The following PRR5 variants were observed in gnomAD, a reference collection of about 807,000 sequenced individuals.
PRR5 encodes the protein proline rich 5.
Under a neutral mutation model 30.6 loss-of-function variants are expected in PRR5, and 25 were observed. The ratio of observed to expected loss-of-function variants is 0.82; its 90% CI spans 0.60 to 1.14. PRR5 has a LOEUF of 1.14. Among genes scored for constraint, PRR5 ranks in the 50% most tolerant of loss-of-function variants. PRR5 has a pLI of 0.00. For missense variants in PRR5, 600 were observed against 547.1 expected (o/e 1.10, Z -0.96); for synonymous variants, 286 against 247.1 (o/e 1.16, Z -1.48).
intron 1 of PRR5, among the ~76,000 whole-genome samples, chr22:44,709,103 A>T (rs1354861797): frequency 6.6e-6 from 1 of 151,614 alleles, no homozygotes; most frequent in African/African-American, 2.4e-5. Context: ...AGGCCAGAGG[A>T]TGTTGGCTGA....
chr22:44,726,584 T>G lies in PRR5; in HGVS notation c.272T>G (p.Leu91Arg). Residue 91 changes from leucine (L) to arginine (R), a missense_variant, in exon 4 of 8, where the codon CTG becomes CGG. Physicochemically the swap from Leu to Arg is moderately radical, Grantham distance 102. Coordinates refer to ENST00000336985, the MANE Select transcript of PRR5 (RefSeq NM_181333.4). ...CTCTGTGTTTACCTTCAGAACCAGC[T>G]GCTGACAAAAGGCATGGTGATCCTT... ...SFFTEYLQNQ[L>R]LTKGMVILRD... The G allele has an allele frequency of 1.2e-6, 2 of 1,614,094 alleles. No individual in the cohort carries two copies. Among genetic ancestry groups the G allele is most frequent in the Non-Finnish European group, 1.7e-6 (2 of 1,180,026 alleles).
At position 44,732,490 on chromosome 22, in the gene PRR5, G is replaced by A. The variant is rs1029750400; in HGVS notation, c.555+99G>A. The stretch of plus-strand genomic sequence containing the variant: ...GCATGAGATGAGGATTTAGGGGCAC[G>A]AGACTTAAGGAAGGGCCCGATCAGA... On this transcript the variant is annotated intron_variant, in intron 6 of 7. Transcript: ENST00000336985. 54 of 1,475,736 alleles carry A rather than the reference G, an allele frequency of 3.7e-5. No homozygotes were observed. The South Asian group carries it at 4.6e-4, about 13-fold the overall frequency. 91.4% of individuals were successfully genotyped at this position (1,475,736 alleles called of 1,614,324 possible).
intron 1 of PRR5, among the ~76,000 whole-genome samples, chr22:44,669,295 C>G (rs1411439385): frequency 6.6e-6 from 1 of 152,198 alleles, no homozygotes; most frequent in African/African-American, 2.4e-5. Context: ...ATGGGGGACC[C>G]TTCCTTTCTG....
intron 4 of PRR5, among the ~76,000 whole-genome samples, chr22:44,728,501 T>G (rs1921280235): frequency 2.0e-5 from 3 of 152,202 alleles, no homozygotes; most frequent in Admixed American, 2.0e-4. Context: ...ATTAATGTCA[T>G]TGTGAAGGAG....
intron 4 of PRR5, among the ~76,000 whole-genome samples, chr22:44,728,698 C>A (rs1921324012): frequency 6.6e-6 from 1 of 152,240 alleles, no homozygotes; most frequent in South Asian, 2.1e-4. Context: ...CTCCCCCTTC[C>A]TGCTCCCTAC....
chr22:44,676,983 G>C (rs2146932485), upstream of PRR5: 1 of 152,410 alleles, frequency 6.6e-6, no homozygotes, highest in South Asian at 2.1e-4. Flanking sequence ...GGGGAGCCCA[G>C]TGAGCCGCCT....
chr22:44,702,119 C>T, upstream of PRR5: 1 of 239,774 alleles, frequency 4.2e-6, no homozygotes, highest in South Asian at 1.5e-4. Context: ...GGCCCCGCCC[C>T]GCCCGCGATG....
chr22:44,684,593 A>G (rs1024694792), intron 1 of PRR5, among the ~76,000 whole-genome samples: 13 of 152,200 alleles, frequency 8.5e-5, no homozygotes, highest in Non-Finnish European at 8.8e-5. Flanking sequence ...ACTGGGGACC[A>G]GGGTCAGGAT....
At chr22:44,727,284 G>T (rs1308817531) in intron 4 of PRR5, among the ~76,000 whole-genome samples, 1 of 152,036 alleles carries the variant, frequency 6.6e-6, no homozygotes, top group African/African-American at 2.4e-5. Context: ...CGAGAGCCTC[G>T]GGCAGCAGCA....
At chr22:44,736,479 G>T (rs763065) in intron 7 of PRR5, among the ~76,000 whole-genome samples, 81,944 of 152,028 alleles carry the variant, frequency 0.54, 25,209 homozygotes, top group Non-Finnish European at 0.68. Context: ...AGGCACGGGG[G>T]TGAGGTAACT....
At chr22:44,675,762 G>GTTATTATGA (rs2063866883), upstream of PRR5, among the ~76,000 whole-genome samples, 1 of 142,964 alleles carries the variant, frequency 7.0e-6, no homozygotes, top group East Asian at 2.1e-4. Context: ...TGTTGCTGTT[G>GTTATTATGA]TTATTATTAT....
chr22:44,732,750 GCA>G (rs1922283677), intron 6 of PRR5, among the ~76,000 whole-genome samples: 1 of 148,132 alleles, frequency 6.8e-6, no homozygotes, highest in Admixed American at 6.6e-5. Context: ...ACACACGTGT[GCA>G]CGCACACGCT....
chr22:44,710,133 C>G (rs1752774526), intron 1 of PRR5, among the ~76,000 whole-genome samples: 1 of 152,134 alleles, frequency 6.6e-6, no homozygotes, highest in Non-Finnish European at 1.5e-5. Context: ...ACTGTCCTCC[C>G]CCATGGCCTG....
chr22:44,701,954 C>T (rs1926345852), upstream of PRR5, among the ~76,000 whole-genome samples: 1 of 152,044 alleles, frequency 6.6e-6, no homozygotes, highest in African/African-American at 2.4e-5. Context: ...TTGGGCCCTG[C>T]GTCCTGTGCG....
chr22:44,694,997 C>T (rs535802969), intron 1 of PRR5, among the ~76,000 whole-genome samples: 1 of 152,032 alleles, frequency 6.6e-6, no homozygotes, highest in Non-Finnish European at 1.5e-5. Context: ...ACGATGAAAC[C>T]CCATCTCTAC....
In PRR5 at chr22:44,737,071, C is replaced by T; in HGVS notation, c.991C>T (p.Gln331Ter). ...RLYPTTQPPE[Q>*]GLDPTRSSLP... ...GTACCCCACGACCCAGCCCCCTGAG[C>T]AGGGCTTGGATCCCACCCGCAGCTC... Residue 331 changes from glutamine (Q) to a stop codon, truncating the protein, a stop_gained, in exon 8 of 8, where the codon CAG becomes TAG. Coordinates refer to ENST00000336985, the MANE Select transcript of PRR5 (RefSeq NM_181333.4). LOFTEE classifies it low-confidence loss of function (END_TRUNC). 1 of 1,610,624 alleles carries T rather than the reference C, an allele frequency of 6.2e-7. No homozygotes were observed. Among genetic ancestry groups the T allele is most frequent in the Non-Finnish European group, 8.5e-7 (1 of 1,179,440 alleles).
chr22:44,683,762 T>C (rs1924495905), intron 1 of PRR5, among the ~76,000 whole-genome samples: 1 of 152,204 alleles, frequency 6.6e-6, no homozygotes, highest in Admixed American at 6.5e-5. Flanking sequence ...CTCCTCCCCA[T>C]GGCTCATTAG....
At chr22:44,724,526 A>G (rs1326682461) in intron 2 of PRR5, among the ~76,000 whole-genome samples, 1 of 152,196 alleles carries the variant, frequency 6.6e-6, no homozygotes, top group East Asian at 1.9e-4. Flanking sequence ...TTGGGAGGTC[A>G]TATCTGGGGC....
intron 1 of PRR5, among the ~76,000 whole-genome samples, chr22:44,670,509 G>C (rs1923361034): frequency 6.6e-6 from 1 of 152,202 alleles, no homozygotes; most frequent in South Asian, 2.1e-4. Context: ...GGGGCAGTCA[G>C]GGAGGTCCAA....
Sources: gnomAD v4.1 joint callset for allele counts (sites outside exome capture counted in the v4.1 genomes callset) on GRCh38, gnomAD v4.1.1 for gene constraint, MANE v1.5 for transcripts, NCBI Gene and HGNC (gene_info 2026-07-23, HGNC 2026-07-21) for gene names.